The following OCM variants were observed in gnomAD, a reference collection of about 807,000 sequenced individuals.
OCM encodes oncomodulin-1.
A neutral mutation model predicts 14.1 loss-of-function variants in OCM; 18 were observed. The ratio of observed to expected loss-of-function variants is 1.28; its 90% confidence interval spans 0.88 to 1.89. The LOEUF (loss-of-function observed/expected upper bound fraction) is 1.89. Among genes scored for constraint, OCM ranks in the 40% most tolerant of loss-of-function variants. The probability of loss-of-function intolerance (pLI) is 0.00; values close to 1 mark genes in which losing one functional copy is unlikely to be tolerated. For synonymous variants in OCM, 48 were observed against 51.0 expected, an observed-to-expected ratio of 0.94 and a Z score of 0.25; for missense variants, 140 against 137.6, an observed-to-expected ratio of 1.02 and a Z score of -0.09.
At chr7:5,880,183 C>T (rs1781181276), upstream of OCM, among the ~76,000 whole-genome samples, 1 of 152,220 alleles carries the variant, frequency 6.6e-6, no homozygotes, top group Non-Finnish European at 1.5e-5. Flanking sequence ...TATCCTTTCC[C>T]ACGTGGAATT....
At chr7:5,868,987 C>T in the OCM span, among the ~76,000 whole-genome samples, 9 of 152,138 alleles carry the variant, frequency 5.9e-5, no homozygotes, top group East Asian at 1.9e-4. Context: ...TGCTTGTACC[C>T]GGGAGGCAGA....
the OCM span, among the ~76,000 whole-genome samples, chr7:5,862,767 C>G: frequency 6.6e-6 from 1 of 151,654 alleles, no homozygotes; most frequent in African/African-American, 2.4e-5. Context: ...CTTTATCTTG[C>G]GTAAAATGTA....
Position 5,883,971 on chromosome 7 carries a change from T to C in OCM, c.276T>C (p.Asn92=). The part of the protein sequence containing the change: ...ETKSLMAAAD[N]DGDGKIGAEE... The stretch of plus-strand genomic sequence containing the variant: ...AGTCCTTGATGGCTGCGGCGGATAA[T>C]GATGGAGATGGGAAAATTGGAGCAG... The change falls in exon 3 of 4, where the codon AAT becomes AAC. Residue 92 remains asparagine, a synonymous_variant. Coordinates refer to ENST00000242104, the MANE Select transcript of OCM (RefSeq NM_001097622.2). 2 of 1,613,136 alleles carry C rather than the reference T, an allele frequency of 1.2e-6. No individual in the cohort carries two copies. The highest frequency in any genetic ancestry group is 2.7e-5 in the African/African-American group (2 of 74,894).
the OCM span, among the ~76,000 whole-genome samples, chr7:5,874,411 C>T: frequency 7.1e-6 from 1 of 140,492 alleles, no homozygotes; most frequent in African/African-American, 3.1e-5. Context: ...CAAATATAAA[C>T]AACATATCAT....
At position 5,883,910 on chromosome 7, in the gene OCM, A is replaced by G. The variant is rs376951143; in HGVS notation, c.215A>G (p.Glu72Gly). 11 of 1,612,504 alleles carry G rather than the reference A, an allele frequency of 6.8e-6. No individual in the cohort carries two copies. The highest frequency in any genetic ancestry group is 8.5e-6 in the Non-Finnish European group (10 of 1,179,172). ...TGTAGGTTTTTCCTCCAGAAGTTTG[A>G]GAGTGGTGCCAGAGAACTGACCGAG... ...EELKFFLQKFESGARELTESE... is the reference protein window; with the variant it reads ...EELKFFLQKFGSGARELTESE... Residue 72 changes from glutamate to glycine, a missense_variant, in exon 3 of 4, where the codon GAG (glutamate) becomes GGG (glycine). Transcript: ENST00000242104.
the OCM span, among the ~76,000 whole-genome samples, chr7:5,873,592 G>C: frequency 1.3e-5 from 2 of 151,984 alleles, no homozygotes; most frequent in Non-Finnish European, 2.9e-5. Context: ...CAATGCTCCT[G>C]CCTCAGCCTC....
chr7:5,878,404 C>T (rs928403376), upstream of OCM, among the ~76,000 whole-genome samples: 1 of 151,706 alleles, frequency 6.6e-6, no homozygotes, highest in African/African-American at 2.4e-5. Context: ...ATCTCTCGTT[C>T]AATAATGCGC....
chr7:5,860,270 G>A, the OCM span, among the ~76,000 whole-genome samples: 1 of 151,212 alleles, frequency 6.6e-6, no homozygotes, highest in African/African-American at 2.4e-5. Context: ...AAAAATCAGC[G>A]TCCTATACCA....
At chr7:5,875,855 A>C (rs1482049220), upstream of OCM, among the ~76,000 whole-genome samples, 1 of 147,370 alleles carries the variant, frequency 6.8e-6, no homozygotes, top group Non-Finnish European at 1.5e-5. Context: ...TTTTTTCCTG[A>C]GACAAGGTCT....
At chr7:5,869,177 TAA>T in the OCM span, among the ~76,000 whole-genome samples, 12 of 152,190 alleles carry the variant, frequency 7.9e-5, 1 homozygote, top group East Asian at 2.3e-3. Flanking sequence ...GCTTCAGGAA[TAA>T]AAGAGAGAAG....
chr7:5,873,991 G>C, the OCM span, among the ~76,000 whole-genome samples: 5,879 of 151,042 alleles, frequency 0.039, 262 homozygotes, highest in African/African-American at 0.11. Context: ...TGAGGGGGGC[G>C]GACTACTTGA....
At chr7:5,869,912 C>T in the OCM span, among the ~76,000 whole-genome samples, 3 of 152,108 alleles carry the variant, frequency 2.0e-5, no homozygotes, top group Non-Finnish European at 2.9e-5. Flanking sequence ...GAGGCCCACG[C>T]GCCACGTGTG....
chr7:5,881,177 G>T (rs1421168185), intron 1 of OCM, among the ~76,000 whole-genome samples: 1 of 151,974 alleles, frequency 6.6e-6, no homozygotes, highest in South Asian at 2.1e-4. Context: ...AAATTAACCG[G>T]GCGTGGTGGT....
At chr7:5,881,615 G>C (rs1474083832) in intron 1 of OCM, among the ~76,000 whole-genome samples, 1 of 135,702 alleles carries the variant, frequency 7.4e-6, no homozygotes, top group African/African-American at 2.9e-5. Flanking sequence ...GGACGACAGA[G>C]TGAGACTCTG....
chr7:5,883,346 G>A (rs1781260002), intron 2 of OCM, among the ~76,000 whole-genome samples: 1 of 151,974 alleles, frequency 6.6e-6, no homozygotes, highest in African/African-American at 2.4e-5. Flanking sequence ...GAGAGACTCT[G>A]TCTCAAATAA....
intron 3 of OCM, among the ~76,000 whole-genome samples, chr7:5,885,827 T>C (rs138828849): frequency 0.026 from 3,996 of 152,200 alleles, 167 homozygotes; most frequent in African/African-American, 0.091. Flanking sequence ...GCCAGGATGG[T>C]TTCGATCTCA....
chr7:5,865,311 A>G, the OCM span, among the ~76,000 whole-genome samples: 1 of 152,184 alleles, frequency 6.6e-6, no homozygotes, highest in Non-Finnish European at 1.5e-5. Context: ...GAAAACCAGG[A>G]CATGCTGAAT....
At chr7:5,866,968 A>G in the OCM span, among the ~76,000 whole-genome samples, 1 of 152,150 alleles carries the variant, frequency 6.6e-6, no homozygotes, top group Non-Finnish European at 1.5e-5. Context: ...TCACTTTACA[A>G]TATGTGGTGG....
intron 1 of OCM, among the ~76,000 whole-genome samples, chr7:5,881,588 A>G (rs1781217186): frequency 6.6e-6 from 1 of 151,878 alleles, no homozygotes; most frequent in African/African-American, 2.4e-5. Context: ...TATGATCGCT[A>G]CACTGCACTC....
Sources: allele counts gnomAD v4.1 joint callset (sites outside exome capture counted in the v4.1 genomes callset), GRCh38; gene constraint gnomAD v4.1.1; transcripts MANE v1.5; gene names NCBI Gene and HGNC (gene_info 2026-07-23, HGNC 2026-07-21).